RNF130: variants seen among roughly 807,000 people sequenced by gnomAD.
RNF130 encodes the protein E3 ubiquitin-protein ligase RNF130.
In RNF130, 21 loss-of-function variants were observed where a neutral mutation model predicts 44.6. That is an observed-to-expected ratio of 0.47 (90% CI 0.33 to 0.68). The LOEUF (loss-of-function observed/expected upper bound fraction) is 0.68. Among genes scored for constraint, RNF130 ranks in the 30% least tolerant of loss-of-function variants. RNF130 has a pLI of 0.02. For missense variants in RNF130, 479 were observed against 560.6 expected (o/e 0.85, Z 1.47); for synonymous variants, 214 against 210.4 (o/e 1.02, Z -0.15).
intron 7 of RNF130, among the ~76,000 whole-genome samples, chr5:179,935,915 T>A (rs1761885553): frequency 6.6e-6 from 1 of 152,136 alleles, no homozygotes; most frequent in South Asian, 2.1e-4. Flanking sequence ...TCCCCTCCCA[T>A]CTTTTGTGCA....
chr5:179,978,896 G>A (rs1561678338), intron 4 of RNF130, among the ~76,000 whole-genome samples: 1 of 152,104 alleles, frequency 6.6e-6, no homozygotes, highest in Non-Finnish European at 1.5e-5. Flanking sequence ...CTTCCTCCTA[G>A]GACTGAGAAG....
chr5:180,000,344 C>T (rs1331846879), intron 3 of RNF130, among the ~76,000 whole-genome samples: 3 of 152,148 alleles, frequency 2.0e-5, no homozygotes, highest in Admixed American at 6.5e-5. Flanking sequence ...CTTTCACTCT[C>T]GACAATTTGA....
rs572369657 is a variant in RNF130 at position 179,938,540 on chromosome 5, C to T, written c.1151-18114G>A. ...TAAATGTCACTAAATTGTTCACTTA[C>T]TTATTCATTTATTTTCACCAAACAC... On this transcript the variant is annotated intron_variant, in intron 7 of 7. Coordinates refer to the RNF130 transcript ENST00000522208. Among the ~76,000 whole-genome samples the T allele has an allele frequency of 2.0e-4, 30 of 152,190 alleles. 1 individual carries two copies. In the South Asian group the frequency reaches 5.8e-3, roughly 29 times the overall value.
At chr5:179,950,353 C>G (rs969335892), downstream of RNF130, among the ~76,000 whole-genome samples, 37 of 152,190 alleles carry the variant, frequency 2.4e-4, no homozygotes, top group African/African-American at 8.4e-4. Context: ...CTGGGCTCAA[C>G]TGATCCACTT....
chr5:179,996,877 GAGA>G (rs1362787764), intron 3 of RNF130, among the ~76,000 whole-genome samples: 1 of 152,204 alleles, frequency 6.6e-6, no homozygotes, highest in African/African-American at 2.4e-5. Context: ...GGAGGAGTAT[GAGA>G]AGAATTGGTA....
intron 2 of RNF130, among the ~76,000 whole-genome samples, chr5:180,024,857 A>C (rs891775565): frequency 6.6e-6 from 1 of 152,162 alleles, no homozygotes; most frequent in Non-Finnish European, 1.5e-5. Flanking sequence ...CTCAAACTTA[A>C]GCATCTGACA....
Position 179,977,570 on chromosome 5 carries a change from AG to A in RNF130, c.848+632del, listed in dbSNP as rs1313286633. ...TGAGAACCCCATCTTTAAAGAAAAC[AG>A]GCCGGGTGCGGTGGCTCACGCCTGT... On this transcript the variant is annotated intron_variant, in intron 5 of 8. Coordinates refer to ENST00000521389, the MANE Select transcript of RNF130 (RefSeq NM_018434.6). The surrounding 1 kb of genome is among the most constrained non-coding windows in gnomAD (Gnocchi z 4.1). Among the ~76,000 whole-genome samples the A allele has an allele frequency of 1.3e-5, 2 of 152,180 alleles. No individual in the cohort carries two copies. The highest frequency in any genetic ancestry group is 2.9e-5 in the Non-Finnish European group (2 of 68,020).
At chr5:179,983,347 T>C (rs1762882645) in intron 3 of RNF130, among the ~76,000 whole-genome samples, 1 of 151,598 alleles carries the variant, frequency 6.6e-6, no homozygotes, top group South Asian at 2.1e-4. Context: ...TTTTTTTTTT[T>C]TTTTTTGCAT....
intron 2 of RNF130, among the ~76,000 whole-genome samples, chr5:180,014,704 G>A (rs1201626076): frequency 6.6e-6 from 1 of 152,134 alleles, no homozygotes; most frequent in African/African-American, 2.4e-5. Context: ...AATTCAACAG[G>A]GCTGGGCGTG....
intron 7 of RNF130, among the ~76,000 whole-genome samples, chr5:179,932,123 TA>T (rs1416226676): frequency 5.3e-5 from 8 of 152,206 alleles, no homozygotes; most frequent in Non-Finnish European, 8.8e-5. Flanking sequence ...TTTGTACCAT[TA>T]AAAAAATTTA....
intron 1 of RNF130, among the ~76,000 whole-genome samples, chr5:180,059,436 C>G (rs1764919336): frequency 1.3e-5 from 2 of 152,192 alleles, no homozygotes; most frequent in South Asian, 4.1e-4. Flanking sequence ...CTTCCCCCCA[C>G]CAGACAGCAA....
intron 1 of RNF130, among the ~76,000 whole-genome samples, chr5:180,069,274 C>T (rs1017906606): frequency 6.6e-6 from 1 of 152,136 alleles, no homozygotes; most frequent in Non-Finnish European, 1.5e-5. Context: ...ACTGCTGTTG[C>T]CTCTCCTTCA....
intron 8 of RNF130, 126 bp from the exon 9 acceptor site, chr5:179,955,795 A>G: frequency 3.0e-6 from 2 of 675,518 alleles, no homozygotes; most frequent in Admixed American, 2.7e-5. Flanking sequence ...CCCTCTGGTA[A>G]GGCCAGGAAG....
At chr5:179,935,463 T>C (rs2113679066) in intron 7 of RNF130, among the ~76,000 whole-genome samples, 1 of 152,312 alleles carries the variant, frequency 6.6e-6, no homozygotes, top group African/African-American at 2.4e-5. Context: ...CATTTTATTT[T>C]CTATCATCTG....
chr5:179,918,021 A>AAAAAT (rs1190273907), exon 8 of RNF130: 4 of 152,238 alleles, frequency 2.6e-5, no homozygotes, highest in Non-Finnish European at 5.9e-5. Flanking sequence ...AAATAAAAAT[A>AAAAAT]AAAACCTGAA....
chr5:179,970,309 G>T, intron 6 of RNF130, 101 bp downstream of exon 6: 2 of 823,158 alleles, frequency 2.4e-6, no homozygotes, highest in South Asian at 2.3e-5. Context: ...GTTTTCTTCT[G>T]TGTCTTAGTC....
At chr5:179,916,018 G>A (rs1027054001) in exon 8 of RNF130, 4 of 152,276 alleles carry the variant, frequency 2.6e-5, no homozygotes, top group African/African-American at 9.6e-5. Context: ...ATAAAAGTTT[G>A]CTGGCGATAT....
chr5:180,012,852 T>G (rs975507973), intron 3 of RNF130, among the ~76,000 whole-genome samples: 1 of 152,232 alleles, frequency 6.6e-6, no homozygotes, highest in Non-Finnish European at 1.5e-5. Context: ...ACTAGAATAT[T>G]CTAGGTGATC....
chr5:180,035,224 T>G (rs1582207731), intron 2 of RNF130, among the ~76,000 whole-genome samples: 3 of 152,238 alleles, frequency 2.0e-5, no homozygotes, highest in Non-Finnish European at 4.4e-5. Context: ...TCGGATGTGT[T>G]TTCATTTTCG....
Sources: allele counts gnomAD v4.1 joint callset (sites outside exome capture counted in the v4.1 genomes callset), GRCh38; gene constraint gnomAD v4.1.1; non-coding constraint Gnocchi (gnomAD v3.1); transcripts MANE v1.5; gene names NCBI Gene and HGNC (gene_info 2026-07-23, HGNC 2026-07-21).